The following MAGI2 variants were observed in gnomAD, a reference collection of about 807,000 sequenced individuals.
MAGI2 encodes membrane associated guanylate kinase, WW and PDZ domain containing 2, also known as membrane-associated guanylate kinase, WW and PDZ domain-containing protein 2.
Under a neutral mutation model 133.3 loss-of-function variants are expected in MAGI2, and 35 were observed. The observed-to-expected ratio is 0.26, with a 90% confidence interval of 0.20 to 0.35. MAGI2 has a LOEUF of 0.35. MAGI2 is among the 10% of genes least tolerant of loss of function. The pLI is 1.00. For missense variants in MAGI2, 1,636 were observed against 1,863.4 expected (o/e 0.88, Z 2.25); for synonymous variants, 729 against 710.6 (o/e 1.03, Z -0.41).
intron 2 of MAGI2, among the ~76,000 whole-genome samples, chr7:78,911,131 G>A (rs1443264795): frequency 6.6e-6 from 1 of 152,128 alleles, no homozygotes; most frequent in African/African-American, 2.4e-5. Context: ...TAAATCAGAT[G>A]TTCTTTACCA....
chr7:79,125,599 G>A (rs1028830144), intron 1 of MAGI2: 6 of 507,496 alleles, frequency 1.2e-5, no homozygotes, highest in African/African-American at 3.9e-5. Context: ...TGACTCTGGT[G>A]GTGGTAGTGA....
intron 2 of MAGI2, among the ~76,000 whole-genome samples, chr7:78,653,774 A>AT (rs1371938549): frequency 3.3e-5 from 1 of 30,052 alleles, no homozygotes; most frequent in Non-Finnish European, 5.6e-5. Flanking sequence ...TTGAAGTATG[A>AT]TAAAAAAAAA....
intron 1 of MAGI2, among the ~76,000 whole-genome samples, chr7:79,241,377 G>A (rs1832397840): frequency 6.6e-6 from 1 of 152,186 alleles, no homozygotes. Flanking sequence ...GTTTAGCAGG[G>A]CTGACACTGT....
intron 1 of MAGI2, among the ~76,000 whole-genome samples, chr7:79,300,765 T>A (rs1837335673): frequency 6.6e-6 from 1 of 152,202 alleles, no homozygotes; most frequent in South Asian, 2.1e-4. Flanking sequence ...TGAAGGCATT[T>A]CAGAGACCTT....
intron 2 of MAGI2, among the ~76,000 whole-genome samples, chr7:78,659,424 CAAAAAAAAAA>C (rs71085553): frequency 1.7e-4 from 4 of 23,676 alleles, no homozygotes; most frequent in Non-Finnish European, 2.1e-4. Context: ...GACTTCATCT[CAAAAAAAAAA>C]AAAAAAAAAA....
chr7:78,390,573 A>G (rs2151313994), intron 6 of MAGI2, among the ~76,000 whole-genome samples: 1 of 145,184 alleles, frequency 6.9e-6, no homozygotes, highest in Middle Eastern at 3.5e-3. Context: ...GCTCAAATGA[A>G]GGAATGGCCA....
At position 79,039,869 on chromosome 7, in the gene MAGI2, T is replaced by G. The variant is rs541672461; in HGVS notation, c.302-32663A>C. On this transcript the variant is annotated intron_variant, in intron 1 of 21. Coordinates refer to ENST00000354212, the MANE Select transcript of MAGI2 (RefSeq NM_012301.4). ...ATACATATATATTATATATATATAA[T>G]ATATATGTATATATAATATATACAA... Among the ~76,000 whole-genome samples the G allele has an allele frequency of 1.7e-4, 25 of 144,188 alleles. No homozygotes were observed. The South Asian group carries it at 5.3e-3, about 30-fold the overall frequency. 94.6% of individuals were successfully genotyped at this position (144,188 alleles called of 152,430 possible). A position where few individuals can be genotyped will look rare whatever the true frequency, so the allele number is the denominator to read the frequency against.
intron 1 of MAGI2, among the ~76,000 whole-genome samples, chr7:79,313,047 T>G (rs1369005246): frequency 6.6e-6 from 1 of 152,192 alleles, no homozygotes; most frequent in Non-Finnish European, 1.5e-5. Context: ...TTTAAACATG[T>G]AAGAGAAAAT....
intron 2 of MAGI2, among the ~76,000 whole-genome samples, chr7:78,868,930 T>C (rs1794808536): frequency 6.6e-6 from 1 of 152,132 alleles, no homozygotes; most frequent in African/African-American, 2.4e-5. Flanking sequence ...ATTTTTTGTA[T>C]TTTTAGTAGA....
At chr7:78,899,314 A>G (rs926653805) in intron 2 of MAGI2, among the ~76,000 whole-genome samples, 9 of 152,206 alleles carry the variant, frequency 5.9e-5, no homozygotes, top group African/African-American at 1.9e-4. Context: ...GGAGTTGGTT[A>G]TATATACTTA....
intron 2 of MAGI2, among the ~76,000 whole-genome samples, chr7:78,870,840 A>G (rs1473302068): frequency 6.6e-6 from 1 of 152,208 alleles, no homozygotes; most frequent in Non-Finnish European, 1.5e-5. Context: ...AATACGGTAT[A>G]TATACACCAT....
At chr7:78,512,371 G>T (rs570513558) in intron 4 of MAGI2, among the ~76,000 whole-genome samples, 43 of 152,208 alleles carry the variant, frequency 2.8e-4, no homozygotes, top group African/African-American at 1.0e-3. Context: ...AAATCCCCAA[G>T]CCTGTGAAGA....
rs1554444724 is a variant in MAGI2, at chr7:79,324,440, C to CGGTTATATATGGTT, written c.301+128579_301+128580insAACCATATATAACC. Among the ~76,000 whole-genome samples the CGGTTATATATGGTT allele has an allele frequency of 9.8e-5, 2 of 20,342 alleles. 1 individual carries two copies. The highest frequency in any genetic ancestry group is 2.4e-4 in the African/African-American group (2 of 8,416). 13.3% of individuals were successfully genotyped at this position (20,342 alleles called of 152,430 possible). A position where few individuals can be genotyped will look rare whatever the true frequency, so the allele number is the denominator to read the frequency against. ...CTATCTATAACCATATATATATAAC[C>CGGTTATATATGGTT]ATATATATATGGTTATAGATAGATA... On this transcript the variant is annotated intron_variant, in intron 1 of 21. Coordinates refer to ENST00000354212, the MANE Select transcript of MAGI2 (RefSeq NM_012301.4).
At chr7:78,746,385 C>G (rs1585271998) in intron 2 of MAGI2, among the ~76,000 whole-genome samples, 1 of 152,190 alleles carries the variant, frequency 6.6e-6, no homozygotes, top group East Asian at 1.9e-4. Context: ...TCTCAAGCTC[C>G]ACCCTTTCTG....
rs200182980 is a variant in MAGI2 at position 78,019,785 on chromosome 7, G to T, written c.3898C>A (p.Leu1300Ile). ...REHDVRKPKELSACGQKKQRL... is the reference protein window; with the variant it reads ...REHDVRKPKEISACGQKKQRL... ...TGCTTCTTCTGGCCGCAGGCTGAAA[G>T]CTCCTTTGGTTTCCTAACGTCGTGT... is the stretch of plus-strand genomic sequence containing the variant. Residue 1300 changes from leucine (L) to isoleucine (I), a missense_variant, in exon 22 of 22, where the codon CTT becomes ATT. This residue lies in a region of MAGI2 where 354 missense variants were observed against 298.7 expected (regional missense o/e 1.19). Coordinates refer to ENST00000354212, the MANE Select transcript of MAGI2 (RefSeq NM_012301.4). The T allele has an allele frequency of 3.8e-5, 62 of 1,613,100 alleles. No individual in the cohort carries two copies. In the East Asian group the frequency reaches 1.3e-3, roughly 34 times the overall value.
At chr7:78,707,079 T>C (rs960093596) in intron 2 of MAGI2, among the ~76,000 whole-genome samples, 2 of 152,092 alleles carry the variant, frequency 1.3e-5, no homozygotes, top group African/African-American at 4.8e-5. Context: ...CCCCCACCTG[T>C]ATCTGAATGC....
chr7:79,379,828 AC>A (rs1843656670), intron 1 of MAGI2, among the ~76,000 whole-genome samples: 1 of 138,376 alleles, frequency 7.2e-6, no homozygotes, highest in South Asian at 2.3e-4. Flanking sequence ...TCTCCCCCCA[AC>A]TTTTTTTTTT....
intron 1 of MAGI2, among the ~76,000 whole-genome samples, chr7:79,273,164 G>A (rs1834997702): frequency 6.6e-6 from 1 of 151,972 alleles, no homozygotes; most frequent in African/African-American, 2.4e-5. Flanking sequence ...CAAGATAACA[G>A]AGTCTTACGT....
At position 79,278,956 on chromosome 7, in the gene MAGI2, G is replaced by T. The variant is rs1314374605; in HGVS notation, c.301+174064C>A. On this transcript the variant is annotated intron_variant, in intron 1 of 21. Transcript: ENST00000354212. ...AGGAAGAGATGACATAGTCTACAAT[G>T]AGCAAATAATTGAGCAGACACTCAG... Among the ~76,000 whole-genome samples, 2 of 152,146 alleles carry T rather than the reference G, an allele frequency of 1.3e-5. 1 individual carries two copies. The highest frequency in any genetic ancestry group is 2.9e-5 in the Non-Finnish European group (2 of 68,032).
Sources: allele counts gnomAD v4.1 joint callset (sites outside exome capture counted in the v4.1 genomes callset), GRCh38; gene constraint gnomAD v4.1.1; regional missense constraint gnomAD v4.1.1; transcripts MANE v1.5; gene names NCBI Gene and HGNC (gene_info 2026-07-23, HGNC 2026-07-21).